KCNMA1: variants seen among roughly 807,000 people sequenced by gnomAD.
The protein encoded by KCNMA1 is Calcium-activated potassium channel subunit alpha-1.
A neutral mutation model predicts 140.0 loss-of-function variants in KCNMA1; 29 were observed. The ratio of observed to expected loss-of-function variants is 0.21; its 90% CI spans 0.15 to 0.28. KCNMA1 has a LOEUF of 0.28. Ranked by LOEUF, KCNMA1 falls within the 10% of genes least tolerant of loss-of-function variation. The probability of loss-of-function intolerance (pLI) is 1.00; values close to 1 mark genes in which losing one functional copy is unlikely to be tolerated. For missense variants in KCNMA1, 880 were observed against 1,602.2 expected (o/e 0.55, Z 7.70); for synonymous variants, 612 against 611.9 (o/e 1.00, Z 0.00).
chr10:77,013,603 C>T (rs2091363707), intron 17 of KCNMA1, among the ~76,000 whole-genome samples: 1 of 152,104 alleles, frequency 6.6e-6, no homozygotes, highest in African/African-American at 2.4e-5. Flanking sequence ...CCCTTTGTTG[C>T]TCTTAACACA....
intron 1 of KCNMA1, among the ~76,000 whole-genome samples, chr10:77,550,462 C>T (rs550572080): frequency 5.4e-4 from 83 of 152,336 alleles, no homozygotes; most frequent in Non-Finnish European, 9.6e-4. Flanking sequence ...TCCTGTCTCG[C>T]TTTCTCTTTT....
chr10:77,615,805 C>G (rs2089230416), intron 1 of KCNMA1, among the ~76,000 whole-genome samples: 1 of 152,124 alleles, frequency 6.6e-6, no homozygotes, highest in Admixed American at 6.5e-5. Flanking sequence ...ACTGTTGGCC[C>G]CTGGCTACCC....
chr10:77,089,383 GC>G (rs2096765167), intron 10 of KCNMA1, among the ~76,000 whole-genome samples: 2 of 152,106 alleles, frequency 1.3e-5, no homozygotes, highest in African/African-American at 4.8e-5. Context: ...GCCAGGACTG[GC>G]CCCATGACAG....
intron 2 of KCNMA1, among the ~76,000 whole-genome samples, chr10:77,382,919 CAT>C (rs1214754798): frequency 3.2e-4 from 41 of 126,816 alleles, no homozygotes; most frequent in African/African-American, 9.2e-4. Flanking sequence ...CACACACACA[CAT>C]ACATATATAT....
rs2064855532 is a variant in KCNMA1 at position 76,948,041 on chromosome 10, G to T, written c.2709+1101C>A. 2.0e-5 allele frequency among the ~76,000 whole-genome samples: 3 copies of T among 152,136 alleles called. No homozygotes were observed. The South Asian group carries it at 6.2e-4, about 32-fold the overall frequency. On this transcript the variant is annotated intron_variant, in intron 22 of 27. Coordinates refer to ENST00000286628, the MANE Select transcript of KCNMA1 (RefSeq NM_001161352.2). ...TTTGTTTGAGGCAGGCTCTTGTTCTGTTGCCCAGGCTGGAGTGCAGTGGTG... is the reference window on the plus strand; with the variant it reads ...TTTGTTTGAGGCAGGCTCTTGTTCTTTTGCCCAGGCTGGAGTGCAGTGGTG...
At chr10:77,393,014 C>T (rs943374964) in intron 2 of KCNMA1, among the ~76,000 whole-genome samples, 4 of 152,266 alleles carry the variant, frequency 2.6e-5, no homozygotes, top group African/African-American at 9.6e-5. Context: ...GCCCGTTCTC[C>T]AGTCCCCAGC....
chr10:77,428,949 G>T (rs1336018105), intron 1 of KCNMA1, among the ~76,000 whole-genome samples: 1 of 152,138 alleles, frequency 6.6e-6, no homozygotes, highest in Non-Finnish European at 1.5e-5. Flanking sequence ...TTGGCCACTA[G>T]GGGTGGAAAC....
intron 1 of KCNMA1, among the ~76,000 whole-genome samples, chr10:77,468,775 CTCA>C (rs541228796): frequency 7.0e-4 from 107 of 152,282 alleles, no homozygotes; most frequent in East Asian, 3.7e-3. Context: ...CCTCCCTTTC[CTCA>C]TCAAGAAAAT....
At chr10:77,039,823 G>A (rs1399686103) in intron 14 of KCNMA1, among the ~76,000 whole-genome samples, 186 bp from the exon 15 acceptor site, 1 of 149,364 alleles carries the variant, frequency 6.7e-6, no homozygotes, top group East Asian at 2.0e-4. Flanking sequence ...CATAAAGTGT[G>A]TGCCCTCTAA....
intron 1 of KCNMA1, among the ~76,000 whole-genome samples, chr10:77,463,806 A>C (rs546058151): frequency 6.6e-6 from 1 of 152,238 alleles, no homozygotes; most frequent in African/African-American, 2.4e-5. Flanking sequence ...AGGCCTTAGG[A>C]GCATGAGGGA....
At chr10:77,594,095 C>T (rs2080066958) in intron 1 of KCNMA1, among the ~76,000 whole-genome samples, 1 of 151,854 alleles carries the variant, frequency 6.6e-6, no homozygotes, top group African/African-American at 2.4e-5. Context: ...AGAAAAAGGC[C>T]CCAATTTTTC....
chr10:77,008,132 G>A, intron 18 of KCNMA1: 1 of 1,503,082 alleles, frequency 6.7e-7, no homozygotes, highest in Non-Finnish European at 8.9e-7. Flanking sequence ...ATCTCTTCTA[G>A]AGAAAGACAG....
intron 2 of KCNMA1, among the ~76,000 whole-genome samples, chr10:77,339,566 C>T (rs1179474208): frequency 3.3e-5 from 5 of 152,166 alleles, no homozygotes; most frequent in Non-Finnish European, 1.5e-5. Context: ...CAGAATGGTG[C>T]CTCAAGTCAA....
At chr10:77,633,578 G>A (rs1038386339) in intron 1 of KCNMA1, among the ~76,000 whole-genome samples, 20 of 152,184 alleles carry the variant, frequency 1.3e-4, no homozygotes, top group Non-Finnish European at 2.4e-4. Flanking sequence ...GATTGACTGC[G>A]TCAGGCCAGA....
chr10:77,188,935 A>G (rs2154134732), intron 3 of KCNMA1, among the ~76,000 whole-genome samples: 1 of 152,172 alleles, frequency 6.6e-6, no homozygotes, highest in Non-Finnish European at 1.5e-5. Context: ...CCCGCTCCTC[A>G]CAGCCTCTAA....
chr10:76,914,004 CCAA>C (rs1246099796), intron 24 of KCNMA1: 21 of 1,363,342 alleles, frequency 1.5e-5, no homozygotes, highest in Non-Finnish European at 2.0e-5. Context: ...GTTGGAAACA[CCAA>C]CAACAGAACA....
At chr10:77,526,372 T>C (rs1391684320) in intron 1 of KCNMA1, among the ~76,000 whole-genome samples, 1 of 152,234 alleles carries the variant, frequency 6.6e-6, no homozygotes, top group Non-Finnish European at 1.5e-5. Flanking sequence ...ATGAAAATAT[T>C]CTGAAACACT....
At chr10:76,922,550 G>A (rs111938961) in intron 23 of KCNMA1, among the ~76,000 whole-genome samples, 2,571 of 152,200 alleles carry the variant, frequency 0.017, 76 homozygotes, top group African/African-American at 0.059. Flanking sequence ...GGGCCTGTCC[G>A]TATTCTCCCC....
chr10:76,999,353 C>T (rs147836112), intron 19 of KCNMA1, among the ~76,000 whole-genome samples: 2 of 152,212 alleles, frequency 1.3e-5, no homozygotes, highest in Non-Finnish European at 2.9e-5. Context: ...GCCAGAGTGG[C>T]TCCTTTCTTT....
Sources: gnomAD v4.1 joint callset for allele counts (sites outside exome capture counted in the v4.1 genomes callset) on GRCh38, gnomAD v4.1.1 for gene constraint, MANE v1.5 for transcripts, NCBI Gene and HGNC (gene_info 2026-07-23, HGNC 2026-07-21) for gene names.